The following LRRK1 variants were observed in gnomAD, a reference collection of about 807,000 sequenced individuals.
LRRK1 encodes the protein leucine-rich repeat serine/threonine-protein kinase 1.
Under a neutral mutation model 209.1 loss-of-function variants are expected in LRRK1, and 113 were observed. The observed-to-expected ratio is 0.54, with a 90% CI of 0.46 to 0.63. The LOEUF is 0.63. Among genes scored for constraint, LRRK1 ranks in the 30% least tolerant of loss-of-function variants. The pLI, the probability that LRRK1 is intolerant of heterozygous loss-of-function variation, is 0.00. For missense variants in LRRK1, 2,284 were observed against 2,632.2 expected, an observed-to-expected ratio of 0.87 and a Z score of 2.89; for synonymous variants, 1,144 against 1,099.7, an observed-to-expected ratio of 1.04 and a Z score of -0.80.
intron 13 of LRRK1, among the ~76,000 whole-genome samples, chr15:101,021,384 C>G (rs945131408): frequency 6.6e-6 from 1 of 152,194 alleles, no homozygotes; most frequent in Non-Finnish European, 1.5e-5. Flanking sequence ...ATGATACACA[C>G]TTTCACTACA....
chr15:100,943,581 G>A (rs1423727474), intron 2 of LRRK1, among the ~76,000 whole-genome samples: 3 of 149,874 alleles, frequency 2.0e-5, no homozygotes, highest in Admixed American at 2.0e-4. Context: ...TTACTGAATT[G>A]GATCTTAGAT....
At chr15:100,962,820 TATA>T (rs1307353230) in intron 2 of LRRK1, among the ~76,000 whole-genome samples, 290 of 27,460 alleles carry the variant, frequency 0.011, 11 homozygotes, top group African/African-American at 0.028. Context: ...TATATATATA[TATA>T]TTTTTTTTTT....
intron 20 of LRRK1, among the ~76,000 whole-genome samples, chr15:101,037,437 C>T (rs2034536195): frequency 1.3e-5 from 2 of 152,092 alleles, no homozygotes; most frequent in African/African-American, 4.8e-5. Context: ...GGCACAGGGG[C>T]CAGGGGACAT....
Position 100,956,541 on chromosome 15 carries a change from C to T in LRRK1, c.98-17263C>T, listed in dbSNP as rs189834244. On this transcript the variant is annotated intron_variant, in intron 2 of 33. Transcript: ENST00000388948. ...AGTGCAGTGGCACGATCTTGGCTCA[C>T]TGCAGCCTCCACCTCCCGGGTTCAA... 8.2e-4 allele frequency among the ~76,000 whole-genome samples: 120 copies of T among 145,558 alleles called. 1 individual carries two copies. Among genetic ancestry groups the T allele is most frequent in the Middle Eastern group, 7.0e-3 (2 of 284 alleles).
Position 100,927,024 on chromosome 15 carries a change from G to A in LRRK1, c.97+2295G>A, listed in dbSNP as rs143327737. Among the ~76,000 whole-genome samples, 4 of 152,274 alleles carry A rather than the reference G, an allele frequency of 2.6e-5. 1 individual carries two copies. In the East Asian group the frequency reaches 5.8e-4, roughly 22 times the overall value. On this transcript the variant is annotated intron_variant, in intron 2 of 33. Coordinates refer to ENST00000388948, the MANE Select transcript of LRRK1 (RefSeq NM_024652.6). Reference sequence around the variant, plus strand: ...TTCAAAGTTCCCTAGTGATTCTAACGTGTAGCTAAAGTTGAGAATCAGGCC... The same window carrying A: ...TTCAAAGTTCCCTAGTGATTCTAACATGTAGCTAAAGTTGAGAATCAGGCC...
In LRRK1 at chr15:101,068,868, A is replaced by G; in HGVS notation, c.*20A>G. The G allele has an allele frequency of 6.3e-7, 1 of 1,575,342 alleles. No homozygotes were observed. Among genetic ancestry groups the G allele is most frequent in the Non-Finnish European group, 8.6e-7 (1 of 1,159,072 alleles). On this transcript the variant is annotated 3_prime_UTR_variant, in exon 34 of 34. Coordinates refer to ENST00000388948, the MANE Select transcript of LRRK1 (RefSeq NM_024652.6). ...AGGTAATTCCTGTGGAATGACTGTC[A>G]CACATCAGAGCTGGCTGGCCCGGGG... is the stretch of plus-strand genomic sequence containing the variant.
At chr15:101,006,770 T>C (rs1596263336) in intron 6 of LRRK1, among the ~76,000 whole-genome samples, 2 of 152,348 alleles carry the variant, frequency 1.3e-5, no homozygotes, top group East Asian at 1.9e-4. Context: ...CAAAAGCCTA[T>C]GTGACAGCGT....
chr15:101,028,388 G>A (rs910852649), intron 19 of LRRK1, among the ~76,000 whole-genome samples: 1 of 152,186 alleles, frequency 6.6e-6, no homozygotes, highest in Non-Finnish European at 1.5e-5. Context: ...TCCTCCATAA[G>A]GCACATCGCA....
intron 1 of LRRK1, among the ~76,000 whole-genome samples, chr15:100,923,219 G>A (rs1596147396): frequency 1.3e-5 from 2 of 152,112 alleles, no homozygotes; most frequent in African/African-American, 2.4e-5. Context: ...CCACTAGCAG[G>A]CCCGGGCATA....
At chr15:101,023,791 G>C (rs1227917584) in intron 15 of LRRK1, among the ~76,000 whole-genome samples, 1 of 152,208 alleles carries the variant, frequency 6.6e-6, no homozygotes. Flanking sequence ...GTCCTCCAAG[G>C]GGTGAAGCGC....
chr15:101,029,240 C>T lies in LRRK1; in HGVS notation c.2963+8C>T, dbSNP rs773433013. Reference sequence around the variant, plus strand: ...GCCCGTCGCCAATGACAGGTGAGGACACAACTTAACACGCCAGGCTGTGCA... The same window carrying T: ...GCCCGTCGCCAATGACAGGTGAGGATACAACTTAACACGCCAGGCTGTGCA... On this transcript the variant is annotated splice_region_variant and intron_variant, in intron 20 of 33. Coordinates refer to ENST00000388948, the MANE Select transcript of LRRK1 (RefSeq NM_024652.6). 2 of 1,601,362 alleles carry T rather than the reference C, an allele frequency of 1.2e-6. No individual in the cohort carries two copies. The highest frequency in any genetic ancestry group is 1.3e-5 in the African/African-American group (1 of 74,624).
At chr15:100,932,367 A>G (rs2042228257) in intron 2 of LRRK1, among the ~76,000 whole-genome samples, 2 of 152,230 alleles carry the variant, frequency 1.3e-5, no homozygotes, top group South Asian at 4.1e-4. Flanking sequence ...ATGCATATTC[A>G]GTTGTACATA....
At chr15:100,983,916 A>T in intron 4 of LRRK1, 1 of 705,974 alleles carries the variant, frequency 1.4e-6, no homozygotes, top group South Asian at 1.5e-5. Context: ...ACCATATTTC[A>T]TAAAGAATGT....
intron 20 of LRRK1, among the ~76,000 whole-genome samples, chr15:101,040,636 C>T (rs1191287606): frequency 6.6e-6 from 1 of 152,084 alleles, no homozygotes; most frequent in Non-Finnish European, 1.5e-5. Flanking sequence ...TTCCTATTTT[C>T]TATGTAAGCA....
rs1182702899 is a variant in LRRK1 at position 101,076,302 on chromosome 15, CAT to C, written c.*7460_*7461del. 6.6e-6 allele frequency: 1 copy of C among 151,342 alleles called. No individual in the cohort carries two copies. Among genetic ancestry groups the C allele is most frequent in the Non-Finnish European group, 1.5e-5 (1 of 67,344 alleles). The allele number at this position is 151,342 out of a possible 1,614,324, so 9.4% of individuals were successfully genotyped here. ...AATCTATTTTCTTCCTCATACCTGA[CAT>C]ATATACTTTCTGCTCCCCGGCTCCT... On this transcript the variant is annotated 3_prime_UTR_variant, in exon 34 of 34. Transcript: ENST00000388948.
intron 29 of LRRK1, 88 bp downstream of exon 29, chr15:101,058,229 GT>G: frequency 3.7e-6 from 5 of 1,368,158 alleles, no homozygotes; most frequent in Non-Finnish European, 5.1e-6. Context: ...GTTGACCACA[GT>G]GAGAATTATT....
In LRRK1 at chr15:101,020,844, G is replaced by A. The variant is rs116711867; in HGVS notation, c.1610-209G>A. Among the ~76,000 whole-genome samples, 1,141 of 152,320 alleles carry A rather than the reference G, an allele frequency of 7.5e-3. 19 individuals carry two copies. The highest frequency in any genetic ancestry group is 0.026 in the African/African-American group (1,079 of 41,564). On this transcript the variant is annotated intron_variant, in intron 12 of 33. Coordinates refer to ENST00000388948, the MANE Select transcript of LRRK1 (RefSeq NM_024652.6). ...GATTGTCCTCTATCTCTGCCACTGA[G>A]TGTCCTCATTCTCACATCTTTGCCA...
chr15:100,954,574 A>C (rs4965739), intron 2 of LRRK1, among the ~76,000 whole-genome samples: 138,020 of 152,222 alleles, frequency 0.91, 62,764 homozygotes, highest in East Asian at 0.99. Context: ...ATTGCCAAGA[A>C]TAATGTCAAG....
chr15:101,000,641 G>A (rs757042380), intron 6 of LRRK1, among the ~76,000 whole-genome samples: 67 of 152,086 alleles, frequency 4.4e-4, no homozygotes, highest in Admixed American at 7.9e-4. Flanking sequence ...AACACTTCTC[G>A]GCTTGTGGCC....
Sources: allele counts gnomAD v4.1 joint callset (sites outside exome capture counted in the v4.1 genomes callset), GRCh38; gene constraint gnomAD v4.1.1; transcripts MANE v1.5; gene names NCBI Gene and HGNC (gene_info 2026-07-23, HGNC 2026-07-21).